CATSPERZ: variants seen among roughly 807,000 people sequenced by gnomAD.
CATSPERZ encodes cation channel sperm-associated auxiliary subunit zeta.
Under a neutral mutation model 21.7 loss-of-function variants are expected in CATSPERZ, and 21 were observed. The ratio of observed to expected loss-of-function variants is 0.97; its 90% CI spans 0.69 to 1.39. The LOEUF is 1.39. CATSPERZ is among the 40% of genes most tolerant of loss of function. The pLI, the probability that CATSPERZ is intolerant of heterozygous loss-of-function variation, is 0.00. For missense variants in CATSPERZ, 234 were observed against 259.5 expected (o/e 0.90, Z 0.68); for synonymous variants, 127 against 108.7 (o/e 1.17, Z -1.05).
intron 1 of CATSPERZ, 51 bp downstream of exon 1, chr11:64,300,482 G>C (rs1368850088): frequency 1.9e-6 from 3 of 1,569,022 alleles, no homozygotes; most frequent in Non-Finnish European, 8.7e-7. Context: ...CCCACCCTTG[G>C]TCCGACTCGG....
intron 2 of CATSPERZ, among the ~76,000 whole-genome samples, chr11:64,302,257 G>C (rs998559015): frequency 1.3e-5 from 2 of 152,134 alleles, no homozygotes; most frequent in Non-Finnish European, 2.9e-5. Context: ...CCTCCATAAA[G>C]AGCTATTTAT....
chr11:64,301,619 C>T (rs1022482879), intron 2 of CATSPERZ, among the ~76,000 whole-genome samples: 3 of 152,032 alleles, frequency 2.0e-5, no homozygotes, highest in African/African-American at 4.8e-5. Flanking sequence ...AGTGATCCGC[C>T]GGCCTCGGCC....
rs773339164 is a variant in CATSPERZ, at chr11:64,300,848, C to T, written c.213C>T (p.Gly71=). Residue 71 remains glycine, a synonymous_variant, in exon 2 of 5, where the codon GGC becomes GGT. Transcript: ENST00000328404. ...KTRGWHSPGR[G]SLDEGYKASH... ...GCGGGTGGCACAGCCCGGGGCGGGG[C>T]TCGTTGGACGAGGGGTACAAGGCCA... 16 of 1,558,938 alleles carry T rather than the reference C, an allele frequency of 1.0e-5. No homozygotes were observed. The highest frequency in any genetic ancestry group is 1.4e-5 in the African/African-American group (1 of 73,438).
chr11:64,304,724 T>C lies in CATSPERZ; in HGVS notation c.*78T>C. ...GTCCCCAGACCCAAGCCTGACCCCA[T>C]CCGAGTGGAATTTGAGTCCTAAAGA... On this transcript the variant is annotated 3_prime_UTR_variant, in exon 5 of 5. Transcript: ENST00000328404. The C allele has an allele frequency of 8.2e-7, 1 of 1,226,516 alleles. No individual in the cohort carries two copies. The highest frequency in any genetic ancestry group is 1.2e-6 in the Non-Finnish European group (1 of 868,864). The allele number at this position is 1,226,516 out of a possible 1,614,324, so 76.0% of individuals were successfully genotyped here.
intron 2 of CATSPERZ, among the ~76,000 whole-genome samples, chr11:64,301,546 G>C (rs1261554186): frequency 6.6e-6 from 1 of 151,406 alleles, no homozygotes; most frequent in Non-Finnish European, 1.5e-5. Flanking sequence ...GCTAATTTTT[G>C]TATTTTTAGT....
intron 4 of CATSPERZ, among the ~76,000 whole-genome samples, chr11:64,304,122 C>T (rs1289953640): frequency 1.3e-5 from 2 of 152,200 alleles, no homozygotes; most frequent in Non-Finnish European, 2.9e-5. Flanking sequence ...TCCACCTGCA[C>T]AGTGGGATGA....
At position 64,300,795 on chromosome 11, in the gene CATSPERZ, G is replaced by A. The variant is rs1252043688; in HGVS notation, c.160G>A (p.Glu54Lys). 1.3e-6 allele frequency: 2 copies of A among 1,557,242 alleles called. No homozygotes were observed. Among genetic ancestry groups the A allele is most frequent in the Non-Finnish European group, 1.7e-6 (2 of 1,151,134 alleles). ...PLSEVCEGFD[E>K]EGRNISKTRG... ...GTCCGAGGTCTGCGAGGGCTTCGAC[G>A]AGGAGGGCCGCAACATTAGCAAGAC... is the stretch of plus-strand genomic sequence containing the variant. Residue 54 changes from glutamate to lysine, a missense_variant, in exon 2 of 5, where the codon GAG (glutamate) becomes AAG (lysine). Physicochemically the swap from Glu to Lys is moderately conservative, Grantham distance 56. Coordinates refer to ENST00000328404, the MANE Select transcript of CATSPERZ (RefSeq NM_001039496.2).
chr11:64,303,913 G>A (rs573575828), intron 4 of CATSPERZ, 74 bp downstream of exon 4: 2 of 1,492,818 alleles, frequency 1.3e-6, no homozygotes, highest in Non-Finnish European at 1.8e-6. Context: ...GGCCCAGGGG[G>A]GTGGGGTTTC....
intron 2 of CATSPERZ, among the ~76,000 whole-genome samples, chr11:64,301,923 G>A (rs899485932): frequency 1.3e-5 from 2 of 152,118 alleles, no homozygotes; most frequent in Non-Finnish European, 2.9e-5. Flanking sequence ...CTCCTGCTTC[G>A]GCTTCCCAAA....
chr11:64,304,378 C>A (rs1014641714), intron 4 of CATSPERZ, among the ~76,000 whole-genome samples, 165 bp from the exon 5 acceptor site: 1 of 152,204 alleles, frequency 6.6e-6, no homozygotes, highest in Non-Finnish European at 1.5e-5. Flanking sequence ...TAACACTCAG[C>A]ACCCTTAGAG....
intron 4 of CATSPERZ, among the ~76,000 whole-genome samples, 169 bp downstream of exon 4, chr11:64,304,008 C>T (rs1397064601): frequency 2.0e-5 from 3 of 152,138 alleles, no homozygotes; most frequent in African/African-American, 7.2e-5. Flanking sequence ...AGGGACTGGG[C>T]ACAGGAAGAC....
chr11:64,304,617 C>T lies in CATSPERZ; in HGVS notation c.574C>T (p.Arg192Cys), dbSNP rs1565373010. Residue 192 changes from arginine to cysteine, a missense_variant, in exon 5 of 5, where the codon CGC (arginine) becomes TGC (cysteine). By Grantham distance (180) the Arg-to-Cys change is radical (BLOSUM62 -3). Coordinates refer to ENST00000328404, the MANE Select transcript of CATSPERZ (RefSeq NM_001039496.2). ...LQRYIEGLKK[R>C]RSKRLYVN ...GCGATACATCGAAGGGCTCAAGAAG[C>T]GCCGGAGCAAGAGGCTGTACGTGAA... The T allele has an allele frequency of 3.8e-6, 6 of 1,580,664 alleles. No homozygotes were observed. Among genetic ancestry groups the T allele is most frequent in the African/African-American group, 1.3e-5 (1 of 74,186 alleles).
chr11:64,301,458 T>G (rs916629686), intron 2 of CATSPERZ, among the ~76,000 whole-genome samples: 2 of 131,908 alleles, frequency 1.5e-5, no homozygotes, highest in South Asian at 2.4e-4. Flanking sequence ...CAGACTGGAG[T>G]GCAATGGCAC....
At chr11:64,301,069 GGGGA>G (rs2034917425) in intron 2 of CATSPERZ, 82 bp downstream of exon 2, 1 of 1,290,032 alleles carries the variant, frequency 7.8e-7, no homozygotes, top group African/African-American at 1.5e-5. Context: ...TGTAAAATGG[GGGGA>G]AGCTGATGGG....
At position 64,300,823 on chromosome 11, in the gene CATSPERZ, G is replaced by A. The variant is rs1389866402; in HGVS notation, c.188G>A (p.Arg63His). Residue 63 changes from arginine to histidine, a missense_variant, in exon 2 of 5, where the codon CGC (arginine) becomes CAC (histidine). Physicochemically the swap from Arg to His is conservative, Grantham distance 29. Transcript: ENST00000328404. ...DEEGRNISKT[R>H]GWHSPGRGSL... ...GAGGGCCGCAACATTAGCAAGACCCGCGGGTGGCACAGCCCGGGGCGGGGC... is the reference window on the plus strand; with the variant it reads ...GAGGGCCGCAACATTAGCAAGACCCACGGGTGGCACAGCCCGGGGCGGGGC... The A allele has an allele frequency of 6.4e-7, 1 of 1,560,642 alleles. No homozygotes were observed. The highest frequency in any genetic ancestry group is 1.9e-5 in the Admixed American group (1 of 51,912).
At position 64,300,923 on chromosome 11, in the gene CATSPERZ, G is replaced by A; in HGVS notation, c.288G>A (p.Leu96=). The A allele has an allele frequency of 3.2e-6, 5 of 1,580,910 alleles. No homozygotes were observed. Among genetic ancestry groups the A allele is most frequent in the Non-Finnish European group, 4.3e-6 (5 of 1,164,552 alleles). Residue 96 remains leucine (L), a synonymous_variant, in exon 2 of 5, where the codon TTG becomes TTA. Transcript: ENST00000328404. Reference sequence around the variant, plus strand: ...AGCACGCGCTGGTGGAGCTGGAGTTGCACCGCGGCAGCTCCATGGAAATCA... The same window carrying A: ...AGCACGCGCTGGTGGAGCTGGAGTTACACCGCGGCAGCTCCATGGAAATCA... ...LDEHALVELE[L]HRGSSMEINL...
chr11:64,300,963 G>A lies in CATSPERZ; in HGVS notation c.328G>A (p.Asp110Asn), dbSNP rs2034914985. ...SSMEINLGEKDTASQIEAEKS... is the reference protein window; with the variant it reads ...SSMEINLGEKNTASQIEAEKS... The stretch of plus-strand genomic sequence containing the variant: ...CATGGAAATCAATCTGGGGGAGAAG[G>A]ACACTGCATCCCAGATCGAGGCCGG... The change falls in exon 2 of 5, where the codon GAC (aspartate) becomes AAC (asparagine). Residue 110 changes from aspartate (D) to asparagine (N), a missense_variant. Coordinates refer to ENST00000328404, the MANE Select transcript of CATSPERZ (RefSeq NM_001039496.2). 2 of 1,568,266 alleles carry A rather than the reference G, an allele frequency of 1.3e-6. No homozygotes were observed. Among genetic ancestry groups the A allele is most frequent in the African/African-American group, 1.4e-5 (1 of 73,984 alleles).
chr11:64,301,693 G>A (rs948191677), intron 2 of CATSPERZ, among the ~76,000 whole-genome samples: 2 of 151,176 alleles, frequency 1.3e-5, no homozygotes, highest in Non-Finnish European at 2.9e-5. Context: ...TAGAGATGAC[G>A]TCCTGCTTTG....
chr11:64,300,985 C>A lies in CATSPERZ; in HGVS notation c.350C>A (p.Ala117Asp), dbSNP rs186547485. ...GEKDTASQIEAEKSSSMSSLN... is the reference protein window; with the variant it reads ...GEKDTASQIEDEKSSSMSSLN... Reference sequence around the variant, plus strand: ...AAGGACACTGCATCCCAGATCGAGGCCGGTCAGTGTGGCCTCGCCAGGCCG... The same window carrying A: ...AAGGACACTGCATCCCAGATCGAGGACGGTCAGTGTGGCCTCGCCAGGCCG... The change falls in exon 2 of 5, where the codon GCC becomes GAC. Residue 117 changes from alanine to aspartate, a missense_variant and splice_region_variant. Ala to Asp is a moderately radical substitution (Grantham distance 126, BLOSUM62 -2). Transcript: ENST00000328404. 1.3e-4 allele frequency: 195 copies of A among 1,538,012 alleles called. No individual in the cohort carries two copies. The East Asian group carries it at 4.3e-3, about 34-fold the overall frequency.
Sources: allele counts gnomAD v4.1 joint callset (sites outside exome capture counted in the v4.1 genomes callset), GRCh38; gene constraint gnomAD v4.1.1; transcripts MANE v1.5; gene names NCBI Gene and HGNC (gene_info 2026-07-23, HGNC 2026-07-21).